Variants in RPRD2 observed in about 807,000 individuals in gnomAD.
RPRD2 encodes the protein regulation of nuclear pre-mRNA domain containing 2.
In RPRD2, 12 loss-of-function variants were observed where a neutral mutation model predicts 104.4. That is an observed-to-expected ratio of 0.11 (90% CI 0.07 to 0.19). RPRD2 has a LOEUF of 0.19. Ranked by LOEUF, RPRD2 falls within the 10% of genes least tolerant of loss-of-function variation. RPRD2 has a pLI of 1.00. For missense variants in RPRD2, 1,543 were observed against 1,790.1 expected (o/e 0.86, Z 2.49); for synonymous variants, 714 against 684.9 (o/e 1.04, Z -0.66).
At chr1:150,405,782 A>G (rs192868507) in intron 1 of RPRD2, among the ~76,000 whole-genome samples, 284 of 152,328 alleles carry the variant, frequency 1.9e-3, no homozygotes, top group Non-Finnish European at 3.0e-3. Flanking sequence ...ATGAAATCTC[A>G]TGCCATCTTG....
intron 7 of RPRD2, among the ~76,000 whole-genome samples, chr1:150,448,378 A>T (rs1553895953): frequency 6.6e-6 from 1 of 152,140 alleles, no homozygotes; most frequent in East Asian, 1.9e-4. Flanking sequence ...CATGTTGGAC[A>T]GGCTCGTCTT....
At chr1:150,431,361 A>G (rs1665555191) in intron 2 of RPRD2, among the ~76,000 whole-genome samples, 1 of 152,100 alleles carries the variant, frequency 6.6e-6, no homozygotes, top group Non-Finnish European at 1.5e-5. Context: ...TCATAGCAGC[A>G]TTATTCACAG....
In RPRD2 at chr1:150,471,201, C is replaced by A. The variant is rs1165196883; in HGVS notation, c.2253C>A (p.Ser751=). ...CATCCAGCAGTGTAGATACTATGTC[C>A]CTGCTTTCTAAGATCATTAGCCCTG... The part of the protein sequence containing the change: ...KPTSSSVDTM[S]LLSKIISPGS... Residue 751 remains serine (S), a synonymous_variant, in exon 11 of 11, where the codon TCC becomes TCA. Transcript: ENST00000369068. This position sits in a 1 kb window ranked among gnomAD's most constrained non-coding sequence, Gnocchi z 5.3. 3 of 1,613,158 alleles carry A rather than the reference C, an allele frequency of 1.9e-6. No individual in the cohort carries two copies. In the African/African-American group the frequency reaches 4.0e-5, roughly 22 times the overall value.
chr1:150,429,728 TGAA>T (rs1365673864), intron 2 of RPRD2, among the ~76,000 whole-genome samples: 2 of 152,236 alleles, frequency 1.3e-5, no homozygotes, highest in African/African-American at 2.4e-5. Flanking sequence ...ATCACTGTTT[TGAA>T]GAAGTTCTGT....
At chr1:150,402,076 A>T (rs1663077416) in intron 1 of RPRD2, among the ~76,000 whole-genome samples, 1 of 151,398 alleles carries the variant, frequency 6.6e-6, no homozygotes, top group Non-Finnish European at 1.5e-5. Flanking sequence ...TCTCTGCCTC[A>T]GCCTCCCGAG....
chr1:150,464,073 A>G (rs587747537), intron 9 of RPRD2, among the ~76,000 whole-genome samples: 13 of 152,188 alleles, frequency 8.5e-5, no homozygotes, highest in Admixed American at 5.2e-4. Context: ...CTGTGTCTCA[A>G]CTCTTGTCTC....
Position 150,476,127 on chromosome 1 carries a change from A to G in RPRD2, c.*2793A>G, listed in dbSNP as rs1668879936. The G allele has an allele frequency of 2.0e-5, 3 of 152,312 alleles. No individual in the cohort carries two copies. The South Asian group carries it at 6.2e-4, about 32-fold the overall frequency. 9.4% of individuals were successfully genotyped at this position (152,312 alleles called of 1,614,324 possible). The stretch of plus-strand genomic sequence containing the variant: ...CTCCCTGCTCCCCTCTACCCTCTCA[A>G]AAGTTGAGAGTAAATAGAATTTGGT... On this transcript the variant is annotated 3_prime_UTR_variant, in exon 11 of 11. Coordinates refer to ENST00000369068, the MANE Select transcript of RPRD2 (RefSeq NM_015203.5).
chr1:150,371,803 C>T (rs1485803258), intron 1 of RPRD2, among the ~76,000 whole-genome samples: 1 of 152,158 alleles, frequency 6.6e-6, no homozygotes, highest in Non-Finnish European at 1.5e-5. Context: ...CTTTCTTATT[C>T]ATAAAATATT....
At chr1:150,416,385 G>A (rs1314726507) in intron 1 of RPRD2, among the ~76,000 whole-genome samples, 1 of 152,088 alleles carries the variant, frequency 6.6e-6, no homozygotes, top group Non-Finnish European at 1.5e-5. Flanking sequence ...ATCAGAGAAG[G>A]AGATTTTAAA....
chr1:150,449,245 CCTT>C (rs1254857658), intron 7 of RPRD2, among the ~76,000 whole-genome samples: 2 of 152,106 alleles, frequency 1.3e-5, no homozygotes, highest in Non-Finnish European at 2.9e-5. Flanking sequence ...CAGTAAATTT[CCTT>C]CTAAGTTGCA....
intron 7 of RPRD2, among the ~76,000 whole-genome samples, chr1:150,450,890 C>A (rs1053072347): frequency 6.6e-6 from 1 of 152,016 alleles, no homozygotes; most frequent in Non-Finnish European, 1.5e-5. Context: ...GGATTACAGG[C>A]GTGAGCCACC....
chr1:150,397,392 T>A (rs1662608758), intron 1 of RPRD2, among the ~76,000 whole-genome samples: 1 of 152,174 alleles, frequency 6.6e-6, no homozygotes, highest in Admixed American at 6.6e-5. Flanking sequence ...TACAGTTCTA[T>A]AAATTTTGAT....
chr1:150,373,939 A>G (rs1337379660), intron 1 of RPRD2, among the ~76,000 whole-genome samples: 2 of 152,150 alleles, frequency 1.3e-5, no homozygotes, highest in Non-Finnish European at 2.9e-5. Flanking sequence ...TGAAATCTCT[A>G]TTTGGTCTCT....
In RPRD2 at chr1:150,472,358, C is replaced by T; in HGVS notation, c.3410C>T (p.Ser1137Phe). 1.2e-6 allele frequency: 2 copies of T among 1,613,996 alleles called. No homozygotes were observed. Among genetic ancestry groups the T allele is most frequent in the Non-Finnish European group, 1.7e-6 (2 of 1,179,892 alleles). The part of the protein sequence containing the change: ...GWFDLSTSGS[S>F]FDNGPSSASE... ...TTTGATCTGAGCACATCAGGTAGCT[C>T]TTTTGACAATGGCCCTTCAAGTGCC... The change falls in exon 11 of 11, where the codon TCT (serine) becomes TTT (phenylalanine). Residue 1137 changes from serine to phenylalanine, a missense_variant. Ser to Phe is a radical substitution (Grantham distance 155, BLOSUM62 -2). This residue lies in a region of RPRD2 where 880 missense variants were observed against 885.6 expected (regional missense o/e 0.99). Transcript: ENST00000369068.
chr1:150,429,020 G>A (rs1553891070), intron 2 of RPRD2, among the ~76,000 whole-genome samples: 1 of 150,958 alleles, frequency 6.6e-6, no homozygotes. Context: ...AGAAGAAAAG[G>A]TTATGTAACT....
chr1:150,423,801 T>A (rs1401338977), intron 2 of RPRD2, among the ~76,000 whole-genome samples: 1 of 152,052 alleles, frequency 6.6e-6, no homozygotes, highest in Non-Finnish European at 1.5e-5. Context: ...AATTTTTTTT[T>A]TTTTTTTTGA....
chr1:150,386,949 G>T (rs1207759333), intron 1 of RPRD2, among the ~76,000 whole-genome samples: 1 of 152,126 alleles, frequency 6.6e-6, no homozygotes, highest in Non-Finnish European at 1.5e-5. Context: ...ATGGCTGCAC[G>T]TATGTCTTTT....
chr1:150,425,284 CAAATT>C (rs1415164382), intron 2 of RPRD2, among the ~76,000 whole-genome samples: 1 of 152,078 alleles, frequency 6.6e-6, no homozygotes, highest in Non-Finnish European at 1.5e-5. Context: ...TTATTATTAA[CAAATT>C]AATATTAGCA....
At chr1:150,383,037 G>C (rs1025200309) in intron 1 of RPRD2, among the ~76,000 whole-genome samples, 16 of 152,096 alleles carry the variant, frequency 1.1e-4, no homozygotes, top group Admixed American at 3.9e-4. Flanking sequence ...GTGTCACCCA[G>C]TCTGGGGTGC....
Sources: allele counts gnomAD v4.1 joint callset (sites outside exome capture counted in the v4.1 genomes callset), GRCh38; gene constraint gnomAD v4.1.1; regional missense constraint gnomAD v4.1.1; non-coding constraint Gnocchi (gnomAD v3.1); transcripts MANE v1.5; gene names NCBI Gene and HGNC (gene_info 2026-07-23, HGNC 2026-07-21).